CAV1: variants seen among roughly 807,000 people sequenced by gnomAD.
The protein encoded by CAV1 is caveolin-1.
A neutral mutation model predicts 16.5 loss-of-function variants in CAV1; 10 were observed. The observed-to-expected ratio is 0.61, with a 90% CI of 0.37 to 1.03. The LOEUF is 1.03. CAV1 is among the 50% of genes least tolerant of loss of function. The probability of loss-of-function intolerance (pLI) is 0.01; values close to 1 mark genes in which losing one functional copy is unlikely to be tolerated. For missense variants in CAV1, 212 were observed against 232.8 expected (o/e 0.91, Z 0.58); for synonymous variants, 76 against 85.1 (o/e 0.89, Z 0.59).
intron 2 of CAV1, among the ~76,000 whole-genome samples, chr7:116,556,043 G>T (rs1217629083): frequency 6.6e-6 from 1 of 152,116 alleles, no homozygotes; most frequent in East Asian, 1.9e-4. Flanking sequence ...CTGGAGACCT[G>T]CTCTAAATTC....
intron 2 of CAV1, among the ~76,000 whole-genome samples, chr7:116,532,919 T>A (rs1323568158): frequency 1.3e-5 from 2 of 152,166 alleles, no homozygotes; most frequent in Non-Finnish European, 2.9e-5. Context: ...AGCGTTCTAG[T>A]CCCACTGGAC....
chr7:116,530,459 A>G (rs994986124), intron 2 of CAV1, among the ~76,000 whole-genome samples: 2 of 152,182 alleles, frequency 1.3e-5, no homozygotes, highest in Non-Finnish European at 2.9e-5. Flanking sequence ...AGGTTTTTAA[A>G]TAGGGAATGG....
At chr7:116,534,380 TATATATATATA>T (rs1430769150) in intron 2 of CAV1, among the ~76,000 whole-genome samples, 18 of 13,684 alleles carry the variant, frequency 1.3e-3, no homozygotes, top group African/African-American at 2.4e-3. Context: ...TATATATATA[TATATATATATA>T]TATATTTTTT....
chr7:116,547,148 C>T (rs1451902756), intron 2 of CAV1, among the ~76,000 whole-genome samples: 4 of 152,142 alleles, frequency 2.6e-5, no homozygotes, highest in Non-Finnish European at 4.4e-5. Flanking sequence ...ACCTCATCTT[C>T]ACTAACTACA....
intron 2 of CAV1, among the ~76,000 whole-genome samples, chr7:116,558,411 G>GC (rs111795220): frequency 0.015 from 2,234 of 152,086 alleles, 54 homozygotes; most frequent in African/African-American, 0.051. Flanking sequence ...AAAATATCCT[G>GC]GGTTCCACCC....
At chr7:116,534,064 A>G (rs896920803) in intron 2 of CAV1, among the ~76,000 whole-genome samples, 4 of 151,660 alleles carry the variant, frequency 2.6e-5, no homozygotes, top group African/African-American at 9.7e-5. Context: ...TAAAAATACA[A>G]AAGATTAGCT....
intron 1 of CAV1, 21 bp downstream of exon 1, chr7:116,525,113 G>C (rs771570102): frequency 2.8e-5 from 45 of 1,613,916 alleles, no homozygotes; most frequent in South Asian, 8.8e-5. Context: ...GTGGGGGGGC[G>C]CCGGCTCGGG....
intron 2 of CAV1, among the ~76,000 whole-genome samples, chr7:116,555,583 A>G: frequency 9.5e-6 from 1 of 105,162 alleles, no homozygotes; most frequent in African/African-American, 3.9e-5. Flanking sequence ...AAAGAAAGAA[A>G]GAAAGAAAGA....
At chr7:116,553,365 C>T (rs933088189) in intron 2 of CAV1, among the ~76,000 whole-genome samples, 5 of 151,946 alleles carry the variant, frequency 3.3e-5, no homozygotes, top group African/African-American at 1.2e-4. Flanking sequence ...ATTGTAGTAT[C>T]ATAAGCCAAT....
chr7:116,558,015 T>G (rs1421329833), intron 2 of CAV1, among the ~76,000 whole-genome samples: 1 of 152,078 alleles, frequency 6.6e-6, no homozygotes, highest in African/African-American at 2.4e-5. Context: ...TCCTGGGGCT[T>G]TGACACATTT....
chr7:116,525,408 CT>C (rs1311322544), intron 1 of CAV1: 17 of 1,477,136 alleles, frequency 1.2e-5, no homozygotes, highest in Non-Finnish European at 1.1e-5. Context: ...AGGATGCTCC[CT>C]TGTCGCGGGA....
intron 2 of CAV1, among the ~76,000 whole-genome samples, chr7:116,540,397 T>A (rs924634226): frequency 5.3e-5 from 8 of 152,176 alleles, no homozygotes; most frequent in African/African-American, 1.9e-4. Context: ...TGTAATAATA[T>A]AAGACTCATC....
chr7:116,547,933 G>GA (rs1373604323), intron 2 of CAV1, among the ~76,000 whole-genome samples: 8 of 152,228 alleles, frequency 5.3e-5, no homozygotes, highest in Non-Finnish European at 1.2e-4. Flanking sequence ...GATGAGCAGA[G>GA]ATTCGAACCC....
intron 2 of CAV1, chr7:116,551,829 C>T (rs1464480616): frequency 6.6e-6 from 1 of 152,156 alleles, no homozygotes; most frequent in Non-Finnish European, 1.5e-5. Context: ...TGTCTAAGCT[C>T]ACTCACATGG....
intron 1 of CAV1, chr7:116,525,339 G>C: frequency 1.3e-6 from 2 of 1,546,466 alleles, no homozygotes; most frequent in Non-Finnish European, 1.7e-6. Context: ...CACGGAAAAG[G>C]GGATTGGGGT....
rs548814110 is a variant in CAV1, at chr7:116,546,336, C to T, written c.196-12610C>T. Among the ~76,000 whole-genome samples, 20 of 152,190 alleles carry T rather than the reference C, an allele frequency of 1.3e-4. No individual in the cohort carries two copies. The East Asian group carries it at 2.7e-3, about 21-fold the overall frequency. On this transcript the variant is annotated intron_variant, in intron 2 of 2. Transcript: ENST00000341049. ...AGAGATGGCTCCGGGTTCCCTCAGA[C>T]GGCTCACAGCCAGCTGGTCTGCAGT...
At chr7:116,545,147 T>G (rs533821904) in intron 2 of CAV1, among the ~76,000 whole-genome samples, 35 of 152,280 alleles carry the variant, frequency 2.3e-4, no homozygotes, top group Admixed American at 6.5e-4. Context: ...AAGGGAAAGT[T>G]TTTCTTCCCT....
chr7:116,551,508 A>T (rs951940064), intron 2 of CAV1, among the ~76,000 whole-genome samples: 1 of 152,208 alleles, frequency 6.6e-6, no homozygotes, highest in African/African-American at 2.4e-5. Flanking sequence ...ATCCCAGGGC[A>T]TCTGATAGAC....
intron 2 of CAV1, among the ~76,000 whole-genome samples, chr7:116,555,604 G>GAGAA (rs1554357960): frequency 5.4e-5 from 4 of 73,464 alleles, no homozygotes; most frequent in East Asian, 3.3e-4. Flanking sequence ...AAGAAAGAAA[G>GAGAA]AGAAAGAAAG....
Sources: allele counts gnomAD v4.1 joint callset (sites outside exome capture counted in the v4.1 genomes callset), GRCh38; gene constraint gnomAD v4.1.1; transcripts MANE v1.5; gene names NCBI Gene and HGNC (gene_info 2026-07-23, HGNC 2026-07-21).